GRID1: variants seen among roughly 807,000 people sequenced by gnomAD.
GRID1 encodes glutamate receptor ionotropic, delta-1.
Under a neutral mutation model 98.0 loss-of-function variants are expected in GRID1, and 28 were observed. That is an observed-to-expected ratio of 0.29 (90% CI 0.21 to 0.39). The LOEUF (loss-of-function observed/expected upper bound fraction) is 0.39. Ranked by LOEUF, GRID1 falls within the 10% of genes least tolerant of loss-of-function variation. The pLI, the probability that GRID1 is intolerant of heterozygous loss-of-function variation, is 1.00. For synonymous variants in GRID1, 553 were observed against 538.5 expected (o/e 1.03, Z -0.37); for missense variants, 1,111 against 1,340.5 (o/e 0.83, Z 2.67).
intron 2 of GRID1, among the ~76,000 whole-genome samples, chr10:86,317,742 A>C (rs532615744): frequency 6.6e-6 from 1 of 151,980 alleles, no homozygotes; most frequent in South Asian, 2.1e-4. Flanking sequence ...TTTAATTTTA[A>C]TTTTTATTTT....
intron 12 of GRID1, among the ~76,000 whole-genome samples, chr10:85,710,318 C>G (rs1841568213): frequency 6.6e-6 from 1 of 152,086 alleles, no homozygotes; most frequent in Non-Finnish European, 1.5e-5. Context: ...AATAAACCCT[C>G]TTGGGTATGG....
intron 5 of GRID1, among the ~76,000 whole-genome samples, chr10:85,894,027 G>A (rs1425585830): frequency 1.3e-5 from 2 of 152,130 alleles, no homozygotes; most frequent in Non-Finnish European, 2.9e-5. Context: ...AACAGGACAA[G>A]GTACAGAACT....
intron 2 of GRID1, among the ~76,000 whole-genome samples, chr10:86,275,700 T>A (rs1254077898): frequency 6.6e-6 from 1 of 152,008 alleles, no homozygotes; most frequent in Non-Finnish European, 1.5e-5. Context: ...AACTTAAAGA[T>A]AGGACAACTG....
At chr10:85,710,897 C>G (rs1280132062) in intron 12 of GRID1, among the ~76,000 whole-genome samples, 1 of 151,816 alleles carries the variant, frequency 6.6e-6, no homozygotes, top group African/African-American at 2.4e-5. Context: ...CAAACCATAA[C>G]CACAATGAGA....
At chr10:85,623,867 A>G (rs1842882792) in intron 13 of GRID1, among the ~76,000 whole-genome samples, 1 of 152,210 alleles carries the variant, frequency 6.6e-6, no homozygotes, top group South Asian at 2.1e-4. Context: ...AGGCTCTGGA[A>G]AGGACAGAGC....
intron 8 of GRID1, among the ~76,000 whole-genome samples, chr10:85,770,032 A>T (rs1842241217): frequency 1.3e-5 from 2 of 152,106 alleles, no homozygotes; most frequent in African/African-American, 2.4e-5. Context: ...CTCAAGTGGG[A>T]CCCTAACCCC....
At chr10:86,185,543 T>C (rs1845715188) in intron 3 of GRID1, among the ~76,000 whole-genome samples, 1 of 152,176 alleles carries the variant, frequency 6.6e-6, no homozygotes. Flanking sequence ...CCTGTCTTGC[T>C]CCTGATCTTA....
At chr10:85,622,099 G>T (rs1842864893) in intron 13 of GRID1, among the ~76,000 whole-genome samples, 1 of 152,150 alleles carries the variant, frequency 6.6e-6, no homozygotes. Flanking sequence ...AGGAAAGCCT[G>T]ATGTGGCCAC....
intron 4 of GRID1, chr10:86,052,607 A>G (rs1194603655): frequency 6.6e-6 from 1 of 152,198 alleles, no homozygotes; most frequent in Non-Finnish European, 1.5e-5. Context: ...GTTTAAAAAA[A>G]ATGAGATAAC....
At chr10:85,962,450 C>G (rs527388640) in intron 4 of GRID1, among the ~76,000 whole-genome samples, 1 of 152,340 alleles carries the variant, frequency 6.6e-6, no homozygotes, top group East Asian at 1.9e-4. Context: ...AACGTTAGAA[C>G]TGTCCAAAAG....
At chr10:86,274,552 G>A (rs1589434240) in intron 2 of GRID1, among the ~76,000 whole-genome samples, 2 of 152,248 alleles carry the variant, frequency 1.3e-5, no homozygotes, top group Middle Eastern at 3.4e-3. Context: ...AGCATGGAAT[G>A]TTCTTCCATT....
At chr10:85,854,711 G>A (rs1173620035) in intron 7 of GRID1, 96 bp from the exon 8 acceptor site, 22 of 1,263,066 alleles carry the variant, frequency 1.7e-5, no homozygotes, top group South Asian at 7.7e-5. Flanking sequence ...CACCAAGAAC[G>A]GAGCAATCAG....
chr10:85,910,712 T>C (rs1208715645), intron 5 of GRID1, among the ~76,000 whole-genome samples: 1 of 152,214 alleles, frequency 6.6e-6, no homozygotes, highest in Admixed American at 6.5e-5. Context: ...TGAGCTCTTC[T>C]GTGTGTCAGA....
At chr10:85,649,795 T>C (rs1843242557) in intron 12 of GRID1, among the ~76,000 whole-genome samples, 1 of 152,128 alleles carries the variant, frequency 6.6e-6, no homozygotes, top group African/African-American at 2.4e-5. Context: ...TGTTTATGGC[T>C]TCATGTTCAT....
At chr10:85,824,178 TTTTG>T (rs3057656) in intron 8 of GRID1, among the ~76,000 whole-genome samples, 5,213 of 151,662 alleles carry the variant, frequency 0.034, 125 homozygotes, top group Non-Finnish European at 0.049. Context: ...AAAGAGTTGA[TTTTG>T]TTTGTTTGTT....
intron 2 of GRID1, among the ~76,000 whole-genome samples, chr10:86,312,618 A>G (rs917754577): frequency 2.6e-5 from 4 of 152,250 alleles, no homozygotes; most frequent in African/African-American, 9.6e-5. Flanking sequence ...AACACTCACT[A>G]GTCCTGCGAC....
At chr10:85,749,115 G>C (rs1842023647) in intron 8 of GRID1, among the ~76,000 whole-genome samples, 1 of 152,140 alleles carries the variant, frequency 6.6e-6, no homozygotes, top group Non-Finnish European at 1.5e-5. Context: ...TTTTACTCGG[G>C]CCTCAAGGTG....
rs137934229 is a variant in GRID1 at position 86,131,352 on chromosome 10, G to A, written c.726+7467C>T. ...AATTGAGCCATTTCGGCTGCTGCAG[G>A]CTGTTTCCCTTTGTAAATGCCTATT... On this transcript the variant is annotated intron_variant, in intron 4 of 15. Coordinates refer to ENST00000327946, the MANE Select transcript of GRID1 (RefSeq NM_017551.3). 2.5e-3 allele frequency among the ~76,000 whole-genome samples: 388 copies of A among 152,250 alleles called. 3 individuals carry two copies. The highest frequency in any genetic ancestry group is 8.9e-3 in the African/African-American group (368 of 41,544).
At chr10:85,607,027 CTG>C (rs1302509642) in intron 15 of GRID1, 2 of 152,180 alleles carry the variant, frequency 1.3e-5, no homozygotes, top group African/African-American at 4.8e-5. Context: ...AATTCACAGA[CTG>C]TGTTTACCCG....
Sources: allele counts gnomAD v4.1 joint callset (sites outside exome capture counted in the v4.1 genomes callset), GRCh38; gene constraint gnomAD v4.1.1; transcripts MANE v1.5; gene names NCBI Gene and HGNC (gene_info 2026-07-23, HGNC 2026-07-21).